CAPZA1: variants seen among roughly 807,000 people sequenced by gnomAD.
The protein encoded by CAPZA1 is F-actin-capping protein subunit alpha-1.
In CAPZA1, 10 loss-of-function variants were observed where a neutral mutation model predicts 40.8. The ratio of observed to expected loss-of-function variants is 0.25; its 90% CI spans 0.15 to 0.42. CAPZA1 has a LOEUF of 0.42. Ranked by LOEUF, CAPZA1 falls within the 10% of genes least tolerant of loss-of-function variation. CAPZA1 has a pLI of 1.00. For missense variants in CAPZA1, 277 were observed against 353.8 expected, an observed-to-expected ratio of 0.78 and a Z score of 1.74; for synonymous variants, 98 against 115.0, an observed-to-expected ratio of 0.85 and a Z score of 0.95.
rs1671828972 is a variant in CAPZA1, at chr1:112,671,316, T to A, written c.*1184T>A. On this transcript the variant is annotated 3_prime_UTR_variant, in exon 10 of 10. Transcript: ENST00000263168. The stretch of plus-strand genomic sequence containing the variant: ...ACTGGTAATGGTGGATTCATTTACA[T>A]TGTTTACACTTCTATGACCAGGCCT... The A allele has an allele frequency of 6.6e-6, 1 of 152,644 alleles. No homozygotes were observed. Among genetic ancestry groups the A allele is most frequent in the South Asian group, 2.1e-4 (1 of 4,828 alleles). 9.5% of individuals were successfully genotyped at this position (152,644 alleles called of 1,614,324 possible).
At chr1:112,644,522 G>A (rs1041453163) in intron 1 of CAPZA1, among the ~76,000 whole-genome samples, 1 of 151,952 alleles carries the variant, frequency 6.6e-6, no homozygotes, top group African/African-American at 2.4e-5. Context: ...ACTCTTGAAC[G>A]TATTTTTTTT....
intron 8 of CAPZA1, 38 bp downstream of exon 8, chr1:112,667,183 CT>C: frequency 7.1e-7 from 1 of 1,405,384 alleles, no homozygotes; most frequent in Non-Finnish European, 9.9e-7. Flanking sequence ...TTACTCATGT[CT>C]CGTTTTTCTT....
intron 7 of CAPZA1, among the ~76,000 whole-genome samples, chr1:112,662,400 T>TTTTC (rs1671632531): frequency 7.2e-6 from 1 of 138,806 alleles, no homozygotes; most frequent in Admixed American, 7.1e-5. Context: ...TTTTTCTTTT[T>TTTTC]TTTTTTTTTT....
intron 3 of CAPZA1, among the ~76,000 whole-genome samples, chr1:112,651,313 T>A (rs1671381590): frequency 2.0e-5 from 3 of 152,200 alleles, no homozygotes; most frequent in African/African-American, 7.2e-5. Flanking sequence ...GAGAATAACA[T>A]AATGAGACTT....
Position 112,654,560 on chromosome 1 carries a change from A to C in CAPZA1, c.315A>C (p.Ala105=). ...AATTTGACCACTTACGGAAAGAAGCAAGTGACCCCCAGCCAGAAGAAGCAG... is the reference window on the plus strand; with the variant it reads ...AATTTGACCACTTACGGAAAGAAGCCAGTGACCCCCAGCCAGAAGAAGCAG... ...SFKFDHLRKE[A]SDPQPEEADG... Residue 105 remains alanine, a synonymous_variant, in exon 5 of 10, where the codon GCA becomes GCC. Transcript: ENST00000263168. 1 of 1,614,074 alleles carries C rather than the reference A, an allele frequency of 6.2e-7. No individual in the cohort carries two copies. Among genetic ancestry groups the C allele is most frequent in the Non-Finnish European group, 8.5e-7 (1 of 1,179,926 alleles).
At chr1:112,636,652 G>C (rs571342198) in intron 1 of CAPZA1, among the ~76,000 whole-genome samples, 2 of 151,574 alleles carry the variant, frequency 1.3e-5, no homozygotes, top group South Asian at 4.2e-4. Flanking sequence ...TTCAGTTTTT[G>C]TTCAACTAAA....
In CAPZA1 at chr1:112,669,939, C is replaced by T. The variant is rs529599201; in HGVS notation, c.721-53C>T. 6 of 1,606,110 alleles carry T rather than the reference C, an allele frequency of 3.7e-6. No homozygotes were observed. The South Asian group carries it at 5.5e-5, about 15-fold the overall frequency. On this transcript the variant is annotated intron_variant, in intron 9 of 9. Coordinates refer to ENST00000263168, the MANE Select transcript of CAPZA1 (RefSeq NM_006135.3). ...TTGACTATAGCATTACTTTTCTGTT[C>T]ACAACCAGCCCCATTTCTGTTCAAG...
At position 112,627,420 on chromosome 1, in the gene CAPZA1, G is replaced by A. The variant is rs13375383; in HGVS notation, c.39+7537G>A. On this transcript the variant is annotated intron_variant, in intron 1 of 9. Coordinates refer to ENST00000263168, the MANE Select transcript of CAPZA1 (RefSeq NM_006135.3). ...AGCACTTTGGGAGGCTGAGGCAGGC[G>A]GATTACTTGAACCCAGGAGTTCAAG... 9.9e-3 allele frequency among the ~76,000 whole-genome samples: 1,498 copies of A among 151,788 alleles called. 35 individuals carry two copies. Among genetic ancestry groups the A allele is most frequent in the African/African-American group, 0.034 (1,421 of 41,356 alleles).
intron 1 of CAPZA1, among the ~76,000 whole-genome samples, chr1:112,638,092 A>G (rs1019479808): frequency 8.5e-5 from 13 of 152,194 alleles, no homozygotes; most frequent in Non-Finnish European, 1.5e-4. Flanking sequence ...GAAGGTTGGA[A>G]GGGTACAACA....
At position 112,653,612 on chromosome 1, in the gene CAPZA1, A is replaced by G; in HGVS notation, c.170A>G (p.Tyr57Cys). ...REGAAHAFAQ[Y>C]NMDQFTPVKI... Reference sequence around the variant, plus strand: ...AAAAAAAACAGTGCATTTGCCCAGTATAACATGGATCAGTTCACGCCTGTG... The same window carrying G: ...AAAAAAAACAGTGCATTTGCCCAGTGTAACATGGATCAGTTCACGCCTGTG... The change falls in exon 4 of 10, where the codon TAT becomes TGT. Residue 57 changes from tyrosine to cysteine, a missense_variant. By Grantham distance (194) the Tyr-to-Cys change is radical. Transcript: ENST00000263168. 1 of 1,578,982 alleles carries G rather than the reference A, an allele frequency of 6.3e-7. No individual in the cohort carries two copies. The highest frequency in any genetic ancestry group is 1.2e-5 in the South Asian group (1 of 86,168).
chr1:112,621,288 A>AT lies in CAPZA1; in HGVS notation c.39+1420dup, dbSNP rs58049077. Among the ~76,000 whole-genome samples the AT allele has an allele frequency of 5.0e-3, 742 of 148,484 alleles. 8 individuals are homozygous for AT. Among genetic ancestry groups the AT allele is most frequent in the African/African-American group, 0.01 (421 of 40,482 alleles). ...AATCCTGTTACAATACAACTAAACA[A>AT]TTTTTTTTTTTTTTTGAGACGGAGT... On this transcript the variant is annotated intron_variant, in intron 1 of 9. Transcript: ENST00000263168.
chr1:112,639,790 G>A (rs1407367562), intron 1 of CAPZA1, among the ~76,000 whole-genome samples: 4 of 150,756 alleles, frequency 2.7e-5, no homozygotes, highest in Admixed American at 1.3e-4. Flanking sequence ...GGTGAGGGGC[G>A]CCTCTGCCCG....
At chr1:112,662,688 G>A (rs899294286) in intron 7 of CAPZA1, among the ~76,000 whole-genome samples, 8 of 152,062 alleles carry the variant, frequency 5.3e-5, no homozygotes, top group Non-Finnish European at 1.0e-4. Flanking sequence ...GTGAGCCACT[G>A]CGCCTGGCCC....
intron 6 of CAPZA1, 154 bp downstream of exon 6, chr1:112,659,255 T>C (rs1671556253): frequency 3.3e-6 from 2 of 605,550 alleles, no homozygotes; most frequent in East Asian, 5.6e-5. Flanking sequence ...AGTTCTAAGG[T>C]TTTATAATTA....
chr1:112,640,175 C>T (rs1671118163), intron 1 of CAPZA1, among the ~76,000 whole-genome samples: 1 of 122,174 alleles, frequency 8.2e-6, no homozygotes, highest in Non-Finnish European at 1.8e-5. Context: ...GCCGCCCAGT[C>T]CGGGAGGGAG....
chr1:112,630,691 T>C (rs1670904004), intron 1 of CAPZA1, among the ~76,000 whole-genome samples: 1 of 152,140 alleles, frequency 6.6e-6, no homozygotes, highest in South Asian at 2.1e-4. Flanking sequence ...CATGCTGGTC[T>C]GAAACTCCTT....
At chr1:112,620,956 TC>T (rs756142569) in intron 1 of CAPZA1, 7 of 152,188 alleles carry the variant, frequency 4.6e-5, no homozygotes, top group Non-Finnish European at 8.8e-5. Context: ...AGAAAATGTG[TC>T]CCCTTGAGTG....
In CAPZA1 at chr1:112,636,517, C is replaced by G. The variant is rs945641008; in HGVS notation, c.40-10693C>G. Among the ~76,000 whole-genome samples the G allele has an allele frequency of 4.6e-5, 7 of 152,176 alleles. No homozygotes were observed. The East Asian group carries it at 1.3e-3, about 29-fold the overall frequency. ...TATGTAAAAGCCTCGGATAGTCTCC[C>G]TTTAAAATATTCAAGGAGTTACACC... On this transcript the variant is annotated intron_variant, in intron 1 of 9. Coordinates refer to ENST00000263168, the MANE Select transcript of CAPZA1 (RefSeq NM_006135.3).
intron 1 of CAPZA1, among the ~76,000 whole-genome samples, chr1:112,635,259 C>T (rs1557728483): frequency 6.6e-6 from 1 of 152,054 alleles, no homozygotes; most frequent in Non-Finnish European, 1.5e-5. Context: ...GCACAACTTT[C>T]AAGGAGAGTA....
Sources: allele counts gnomAD v4.1 joint callset (sites outside exome capture counted in the v4.1 genomes callset), GRCh38; gene constraint gnomAD v4.1.1; transcripts MANE v1.5; gene names NCBI Gene and HGNC (gene_info 2026-07-23, HGNC 2026-07-21).